ANKRD30B: variants seen among roughly 807,000 people sequenced by gnomAD.
ANKRD30B encodes ankyrin repeat domain 30B, also known as ankyrin repeat domain-containing protein 30B.
In ANKRD30B, 144 loss-of-function variants were observed where a neutral mutation model predicts 202.2. That is an observed-to-expected ratio of 0.71 (90% CI 0.62 to 0.82). The LOEUF (loss-of-function observed/expected upper bound fraction) is 0.82, where lower values mean the gene tolerates loss of function less well. Among genes scored for constraint, ANKRD30B ranks in the 40% least tolerant of loss-of-function variants. ANKRD30B has a pLI of 0.00. For synonymous variants in ANKRD30B, 508 were observed against 561.3 expected, an observed-to-expected ratio of 0.91 and a Z score of 1.34; for missense variants, 1,487 against 1,669.1, an observed-to-expected ratio of 0.89 and a Z score of 1.90.
the ANKRD30B span, among the ~76,000 whole-genome samples, chr18:14,867,516 C>T: frequency 0.52 from 79,644 of 151,916 alleles, 21,064 homozygotes; most frequent in African/African-American, 0.54. Context: ...CTCTGACCAC[C>T]GCAGGGCCTT....
chr18:14,774,048 A>G (rs1967195200), intron 9 of ANKRD30B, among the ~76,000 whole-genome samples: 2 of 152,190 alleles, frequency 1.3e-5, no homozygotes, highest in South Asian at 4.1e-4. Context: ...TTTATGGAAC[A>G]TTCCATTTTA....
chr18:14,866,874 AG>A, the ANKRD30B span, among the ~76,000 whole-genome samples: 2 of 151,644 alleles, frequency 1.3e-5, no homozygotes, highest in Non-Finnish European at 2.9e-5. Context: ...GGCGGGTGGC[AG>A]GGGGTTAGGG....
intron 4 of ANKRD30B, 80 bp from the exon 5 acceptor site, chr18:14,757,735 A>G (rs1914603707): frequency 7.0e-7 from 1 of 1,429,880 alleles, no homozygotes; most frequent in African/African-American, 1.4e-5. Context: ...TTGTTAGTAC[A>G]TGTAAATGGT....
chr18:14,840,022 G>A (rs1298235032), intron 36 of ANKRD30B, among the ~76,000 whole-genome samples: 2 of 152,134 alleles, frequency 1.3e-5, no homozygotes, highest in Non-Finnish European at 2.9e-5. Context: ...ATTTTTTTGT[G>A]AGTATGATTT....
chr18:14,929,012 T>C, the ANKRD30B span, among the ~76,000 whole-genome samples: 3 of 152,204 alleles, frequency 2.0e-5, no homozygotes, highest in Non-Finnish European at 2.9e-5. Context: ...ATTGTGACTG[T>C]AATGAAATCT....
At chr18:14,932,320 C>T in the ANKRD30B span, among the ~76,000 whole-genome samples, 2 of 151,582 alleles carry the variant, frequency 1.3e-5, no homozygotes, top group African/African-American at 4.8e-5. Flanking sequence ...GTTCCTCTCC[C>T]CTATCTCTAT....
the ANKRD30B span, among the ~76,000 whole-genome samples, chr18:14,874,702 T>A: frequency 6.6e-6 from 1 of 152,186 alleles, no homozygotes; most frequent in Admixed American, 6.5e-5. Context: ...TTCAGCAGAA[T>A]CAGGCAGAGC....
At chr18:14,769,993 T>C (rs1916866801) in intron 8 of ANKRD30B, among the ~76,000 whole-genome samples, 1 of 152,226 alleles carries the variant, frequency 6.6e-6, no homozygotes, top group African/African-American at 2.4e-5. Flanking sequence ...ATAGATATGT[T>C]ATGTTAATCA....
intron 24 of ANKRD30B, among the ~76,000 whole-genome samples, chr18:14,805,082 T>C (rs1054312741): frequency 6.6e-6 from 1 of 150,650 alleles, no homozygotes. Flanking sequence ...TATATATGTA[T>C]ATATTTTGTT....
At chr18:14,939,442 G>A in the ANKRD30B span, among the ~76,000 whole-genome samples, 1 of 152,216 alleles carries the variant, frequency 6.6e-6, no homozygotes, top group Non-Finnish European at 1.5e-5. Context: ...GACATTGTGG[G>A]TGACTGGGAC....
chr18:14,829,533 C>T (rs1157533837), intron 33 of ANKRD30B, among the ~76,000 whole-genome samples: 1 of 152,030 alleles, frequency 6.6e-6, no homozygotes, highest in African/African-American at 2.4e-5. Flanking sequence ...GAAACAATCC[C>T]AGGATTGGTA....
chr18:14,877,686 G>T, the ANKRD30B span: 1 of 152,066 alleles, frequency 6.6e-6, no homozygotes, highest in Non-Finnish European at 1.5e-5. Flanking sequence ...GGTCACAGGT[G>T]GGACTGGGGC....
the ANKRD30B span, chr18:14,888,691 A>G: frequency 1.6e-6 from 1 of 607,888 alleles, no homozygotes; most frequent in Admixed American, 3.4e-5. Context: ...GGTTCTTTAT[A>G]TACCATATAC....
At chr18:14,779,881 T>C (rs184325941) in intron 10 of ANKRD30B, 79 bp from the exon 11 acceptor site, 15 of 1,004,152 alleles carry the variant, frequency 1.5e-5, no homozygotes, top group Middle Eastern at 2.6e-4. Flanking sequence ...GATTCATGAA[T>C]GAAAATAGAT....
At chr18:14,760,789 T>G (rs1398104858) in intron 6 of ANKRD30B, among the ~76,000 whole-genome samples, 171 bp downstream of exon 6, 1 of 152,136 alleles carries the variant, frequency 6.6e-6, no homozygotes, top group African/African-American at 2.4e-5. Context: ...TGATTTATTT[T>G]TTAAATTTAT....
chr18:14,926,569 T>C, the ANKRD30B span, among the ~76,000 whole-genome samples: 9 of 152,240 alleles, frequency 5.9e-5, no homozygotes, highest in Non-Finnish European at 1.3e-4. Flanking sequence ...TTTATAAAGC[T>C]GGACAAGGTA....
the ANKRD30B span, among the ~76,000 whole-genome samples, chr18:14,930,704 G>T: frequency 6.6e-6 from 1 of 151,940 alleles, no homozygotes; most frequent in Non-Finnish European, 1.5e-5. Context: ...ACAGCATGGG[G>T]TGTCCACAGG....
At chr18:14,927,530 C>T in the ANKRD30B span, among the ~76,000 whole-genome samples, 10 of 152,174 alleles carry the variant, frequency 6.6e-5, no homozygotes, top group Admixed American at 1.3e-4. Context: ...GCACAGGAGG[C>T]CAGGAGGCCA....
chr18:14,811,208 A>G (rs1290957653), intron 28 of ANKRD30B, among the ~76,000 whole-genome samples: 1 of 151,410 alleles, frequency 6.6e-6, no homozygotes, highest in Non-Finnish European at 1.5e-5. Flanking sequence ...TTTTTTTTAA[A>G]TTTTGATATG....
Sources: gnomAD v4.1 joint callset for allele counts (sites outside exome capture counted in the v4.1 genomes callset) on GRCh38, gnomAD v4.1.1 for gene constraint, MANE v1.5 for transcripts, NCBI Gene and HGNC (gene_info 2026-07-23, HGNC 2026-07-21) for gene names.